Variants in CEP128 observed in about 807,000 individuals in gnomAD.
The protein encoded by CEP128 is centrosomal protein 128.
Under a neutral mutation model 156.7 loss-of-function variants are expected in CEP128, and 132 were observed. That is an observed-to-expected ratio of 0.84 (90% CI 0.73 to 0.97). The LOEUF is 0.97. CEP128 is among the 50% of genes least tolerant of loss of function. CEP128 has a pLI of 0.00. For synonymous variants in CEP128, 469 were observed against 448.9 expected (o/e 1.04, Z -0.57); for missense variants, 1,252 against 1,281.9 (o/e 0.98, Z 0.36).
At chr14:80,609,013 T>C (rs1359216670) in intron 19 of CEP128, among the ~76,000 whole-genome samples, 1 of 152,164 alleles carries the variant, frequency 6.6e-6, no homozygotes, top group Admixed American at 6.5e-5. Context: ...AAATGTATAT[T>C]GAAGATTGAA....
intron 2 of CEP128, among the ~76,000 whole-genome samples, chr14:80,924,655 C>A (rs528790074): frequency 6.6e-6 from 1 of 151,872 alleles, no homozygotes; most frequent in Non-Finnish European, 1.5e-5. Flanking sequence ...TAGACAGGAT[C>A]CAAATAAGCT....
intron 6 of CEP128, among the ~76,000 whole-genome samples, chr14:80,901,697 T>A (rs774409903): frequency 1.6e-4 from 24 of 152,176 alleles, no homozygotes; most frequent in Non-Finnish European, 3.4e-4. Context: ...CATTCCTACC[T>A]TCCCCACATG....
rs376761107 is a variant in CEP128, at chr14:80,575,522, G to T, written c.2856+4852C>A. Among the ~76,000 whole-genome samples the T allele has an allele frequency of 1.5e-4, 23 of 152,310 alleles. No homozygotes were observed. The South Asian group carries it at 4.8e-3, about 32-fold the overall frequency. ...GACCATGGCAGGGGGGAAGGTAAGA[G>T]AAAGGGCAAGGGTAGAAGGTGGCGG... On this transcript the variant is annotated intron_variant, in intron 20 of 24. Transcript: ENST00000555265.
chr14:80,637,457 T>C (rs10143228), intron 19 of CEP128, among the ~76,000 whole-genome samples: 44,589 of 152,138 alleles, frequency 0.29, 8,499 homozygotes, highest in African/African-American at 0.53. Context: ...ATTTTCTCAA[T>C]TTTCATCTCA....
intron 19 of CEP128, among the ~76,000 whole-genome samples, chr14:80,691,126 G>A (rs1390860744): frequency 6.6e-6 from 1 of 152,132 alleles, no homozygotes; most frequent in Non-Finnish European, 1.5e-5. Context: ...AAACCAGTAT[G>A]TTAATTTTAT....
intron 22 of CEP128, among the ~76,000 whole-genome samples, chr14:80,527,656 G>A (rs1889039527): frequency 6.6e-6 from 1 of 152,092 alleles, no homozygotes; most frequent in African/African-American, 2.4e-5. Flanking sequence ...ACTATCACTT[G>A]CATTGGTACT....
intron 13 of CEP128, among the ~76,000 whole-genome samples, chr14:80,824,235 C>T (rs1393886533): frequency 6.6e-6 from 1 of 152,208 alleles, no homozygotes; most frequent in Non-Finnish European, 1.5e-5. Context: ...CCACTTTTTC[C>T]TCCTAGGCCA....
chr14:80,740,857 G>A (rs1008819370), intron 19 of CEP128, among the ~76,000 whole-genome samples: 26 of 152,240 alleles, frequency 1.7e-4, no homozygotes, highest in African/African-American at 4.8e-4. Context: ...TACAGTACAC[G>A]CTGCTGGGAA....
intron 2 of CEP128, among the ~76,000 whole-genome samples, chr14:80,933,206 C>A (rs1422905204): frequency 6.6e-6 from 1 of 152,180 alleles, no homozygotes; most frequent in Admixed American, 6.5e-5. Context: ...TCCCTGCCTT[C>A]CAGCGTCACT....
intron 19 of CEP128, among the ~76,000 whole-genome samples, chr14:80,700,906 C>T (rs1262104283): frequency 1.3e-5 from 2 of 152,050 alleles, no homozygotes; most frequent in East Asian, 3.9e-4. Flanking sequence ...ATAAGGGATA[C>T]CCAAACAGGA....
At chr14:80,687,845 T>C (rs1405871628) in intron 19 of CEP128, among the ~76,000 whole-genome samples, 1 of 152,184 alleles carries the variant, frequency 6.6e-6, no homozygotes, top group Non-Finnish European at 1.5e-5. Context: ...GAATGCCTAA[T>C]CTTACCTGAT....
intron 9 of CEP128, among the ~76,000 whole-genome samples, chr14:80,858,205 T>C (rs1430724141): frequency 9.0e-4 from 132 of 146,132 alleles, no homozygotes; most frequent in African/African-American, 3.2e-3. Flanking sequence ...GAGATATAGA[T>C]CAATGGAACA....
intron 14 of CEP128, among the ~76,000 whole-genome samples, chr14:80,484,710 C>A (rs751361154): frequency 1.3e-5 from 2 of 152,324 alleles, no homozygotes; most frequent in Non-Finnish European, 2.9e-5. Flanking sequence ...ACTAGGGTTA[C>A]AGACCACAGG....
chr14:80,538,117 C>G (rs1889569275), intron 21 of CEP128, among the ~76,000 whole-genome samples: 1 of 151,852 alleles, frequency 6.6e-6, no homozygotes, highest in African/African-American at 2.4e-5. Context: ...TGAATGTGAA[C>G]TGAAAAGTGT....
At chr14:80,900,320 G>C (rs992872785) in intron 6 of CEP128, among the ~76,000 whole-genome samples, 1 of 152,002 alleles carries the variant, frequency 6.6e-6, no homozygotes, top group African/African-American at 2.4e-5. Context: ...AAAAGAAAAA[G>C]AAAAAAGAGA....
rs113284752 is a variant in CEP128 at position 80,546,887 on chromosome 14, A to G, written c.2880+12392T>C. ...TGTTCAAATGTAATGTAATTGGGGCATATGATAGGATGAAATCATATATTA... is the reference window on the plus strand; with the variant it reads ...TGTTCAAATGTAATGTAATTGGGGCGTATGATAGGATGAAATCATATATTA... On this transcript the variant is annotated intron_variant, in intron 21 of 24. Transcript: ENST00000555265. Among the ~76,000 whole-genome samples, 708 of 152,352 alleles carry G rather than the reference A, an allele frequency of 4.6e-3. 3 individuals carry two copies. The highest frequency in any genetic ancestry group is 7.8e-3 in the Non-Finnish European group (530 of 68,028).
intron 24 of CEP128, among the ~76,000 whole-genome samples, chr14:80,503,334 G>A (rs979252201): frequency 6.6e-6 from 1 of 152,082 alleles, no homozygotes; most frequent in Non-Finnish European, 1.5e-5. Context: ...TTGCTTGTGA[G>A]AAATATATCT....
At chr14:80,693,248 C>T (rs1191456093) in intron 19 of CEP128, among the ~76,000 whole-genome samples, 2 of 152,138 alleles carry the variant, frequency 1.3e-5, no homozygotes, top group African/African-American at 4.8e-5. Flanking sequence ...TTCAAGTCCC[C>T]TGTAAAAAGG....
intron 4 of CEP128, among the ~76,000 whole-genome samples, chr14:80,912,608 A>G (rs557872807): frequency 6.6e-5 from 10 of 152,300 alleles, no homozygotes; most frequent in Non-Finnish European, 1.0e-4. Context: ...TCCATTGGTC[A>G]AGTACATCAT....
Sources: allele counts gnomAD v4.1 joint callset (sites outside exome capture counted in the v4.1 genomes callset), GRCh38; gene constraint gnomAD v4.1.1; transcripts MANE v1.5; gene names NCBI Gene and HGNC (gene_info 2026-07-23, HGNC 2026-07-21).